The following LPAR1 variants were observed in gnomAD, a reference collection of about 807,000 sequenced individuals.
LPAR1 encodes lysophosphatidic acid receptor 1.
LPAR1 carries 5 observed loss-of-function variants against 23.8 expected under a neutral mutation model. That is an observed-to-expected ratio of 0.21 (90% confidence interval 0.11 to 0.44). The LOEUF is 0.44. LPAR1 is among the 20% of genes least tolerant of loss of function. The pLI, the probability that LPAR1 is intolerant of heterozygous loss-of-function variation, is 0.99. For missense variants in LPAR1, 311 were observed against 482.8 expected (o/e 0.64, Z 3.33); for synonymous variants, 160 against 164.7 (o/e 0.97, Z 0.22).
At chr9:110,911,997 A>G (rs1303203245) in intron 5 of LPAR1, among the ~76,000 whole-genome samples, 1 of 152,192 alleles carries the variant, frequency 6.6e-6, no homozygotes, top group Non-Finnish European at 1.5e-5. Flanking sequence ...ATCTCAGTCT[A>G]AAGAAAACCT....
intron 5 of LPAR1, among the ~76,000 whole-genome samples, chr9:110,906,126 T>G (rs2091151571): frequency 6.6e-6 from 1 of 152,160 alleles, no homozygotes; most frequent in Non-Finnish European, 1.5e-5. Context: ...CAAAAATACG[T>G]CAAGTTCTAT....
intron 2 of LPAR1, among the ~76,000 whole-genome samples, chr9:110,985,936 G>A (rs536571706): frequency 6.6e-6 from 1 of 152,154 alleles, no homozygotes; most frequent in Admixed American, 6.6e-5. Flanking sequence ...GCTCAAGGGA[G>A]TGTGATCACT....
chr9:110,911,368 G>A (rs939570425), intron 5 of LPAR1, among the ~76,000 whole-genome samples: 7 of 152,002 alleles, frequency 4.6e-5, no homozygotes, highest in African/African-American at 9.7e-5. Flanking sequence ...GCAACATAGC[G>A]AGATGTCATT....
chr9:110,891,271 T>C (rs1204362757), intron 5 of LPAR1, among the ~76,000 whole-genome samples: 1 of 152,176 alleles, frequency 6.6e-6, no homozygotes, highest in Admixed American at 6.5e-5. Flanking sequence ...AAGATAATCA[T>C]CATCTAGCAA....
intron 5 of LPAR1, among the ~76,000 whole-genome samples, chr9:110,918,008 T>G (rs1434780434): frequency 1.3e-5 from 2 of 152,160 alleles, no homozygotes; most frequent in Admixed American, 1.3e-4. Context: ...CCTCATGCTA[T>G]CCTTCCAACT....
intron 5 of LPAR1, among the ~76,000 whole-genome samples, chr9:110,889,933 G>A (rs867136755): frequency 2.6e-5 from 4 of 152,184 alleles, no homozygotes; most frequent in Middle Eastern, 3.4e-3. Flanking sequence ...AACTCAAGAA[G>A]TTGAGCAAAA....
intron 2 of LPAR1, among the ~76,000 whole-genome samples, chr9:111,022,917 G>T (rs1046517545): frequency 6.6e-6 from 1 of 152,024 alleles, no homozygotes; most frequent in Non-Finnish European, 1.5e-5. Context: ...GCCGGGCATG[G>T]TGGCGGGTGC....
intron 5 of LPAR1, among the ~76,000 whole-genome samples, chr9:110,909,937 C>T (rs2092154246): frequency 6.6e-6 from 1 of 151,730 alleles, no homozygotes; most frequent in South Asian, 2.1e-4. Flanking sequence ...TTTGGAGAGA[C>T]AGGGTTTCAT....
At chr9:111,011,501 T>G (rs946563267) in intron 2 of LPAR1, among the ~76,000 whole-genome samples, 2 of 152,204 alleles carry the variant, frequency 1.3e-5, no homozygotes, top group Non-Finnish European at 2.9e-5. Context: ...CCAGCTACTC[T>G]TTTGTAACCA....
At chr9:111,011,607 C>G (rs1213589927) in intron 2 of LPAR1, among the ~76,000 whole-genome samples, 1 of 152,146 alleles carries the variant, frequency 6.6e-6, no homozygotes, top group African/African-American at 2.4e-5. Flanking sequence ...TCTCATAATT[C>G]TATTTTGCAG....
chr9:110,896,611 G>C (rs767556001), intron 5 of LPAR1, among the ~76,000 whole-genome samples: 2 of 151,958 alleles, frequency 1.3e-5, no homozygotes, highest in Non-Finnish European at 2.9e-5. Context: ...CAAAGGAAAG[G>C]ATCCACAAGA....
At chr9:111,036,367 T>A in intron 1 of LPAR1, among the ~76,000 whole-genome samples, 166 bp from the exon 2 acceptor site, 2 of 149,984 alleles carry the variant, frequency 1.3e-5, no homozygotes. Context: ...ATTGAGTCCC[T>A]TGAGGAAAGG....
intron 5 of LPAR1, among the ~76,000 whole-genome samples, chr9:110,896,128 A>G (rs143967857): frequency 4.7e-4 from 72 of 152,336 alleles, no homozygotes; most frequent in Middle Eastern, 3.4e-3. Flanking sequence ...TGCTCCATTT[A>G]ATCCAGGTAT....
At chr9:110,985,500 C>G (rs901475651) in intron 2 of LPAR1, among the ~76,000 whole-genome samples, 20 of 152,042 alleles carry the variant, frequency 1.3e-4, no homozygotes, top group Non-Finnish European at 2.1e-4. Flanking sequence ...ACACTGACTG[C>G]AGAGAGAGAA....
chr9:110,898,078 A>G (rs2087105301), intron 5 of LPAR1, among the ~76,000 whole-genome samples: 1 of 152,226 alleles, frequency 6.6e-6, no homozygotes. Flanking sequence ...TGAGAAAACT[A>G]GTGACTCATT....
chr9:110,997,094 CTCTT>C (rs2097027022), intron 2 of LPAR1, among the ~76,000 whole-genome samples: 1 of 152,186 alleles, frequency 6.6e-6, no homozygotes, highest in Non-Finnish European at 1.5e-5. Context: ...GAAACATTAA[CTCTT>C]TCACAGTGAG....
chr9:111,014,264 G>C (rs1378800764), intron 2 of LPAR1, among the ~76,000 whole-genome samples: 3 of 152,138 alleles, frequency 2.0e-5, no homozygotes, highest in Non-Finnish European at 2.9e-5. Context: ...ACAAGGTAAA[G>C]CTGTCACTAT....
chr9:110,956,442 TAAAG>T (rs930337560), intron 4 of LPAR1, among the ~76,000 whole-genome samples: 2 of 151,344 alleles, frequency 1.3e-5, no homozygotes, highest in Admixed American at 6.6e-5. Flanking sequence ...ATTTAAAAAA[TAAAG>T]AAAGAAAGAT....
At chr9:110,986,309 A>G (rs1250830568) in intron 2 of LPAR1, among the ~76,000 whole-genome samples, 6 of 152,138 alleles carry the variant, frequency 3.9e-5, no homozygotes, top group Non-Finnish European at 8.8e-5. Flanking sequence ...AAGGACAATT[A>G]CAACCTCTAT....
Sources: gnomAD v4.1 joint callset for allele counts (sites outside exome capture counted in the v4.1 genomes callset) on GRCh38, gnomAD v4.1.1 for gene constraint, MANE v1.5 for transcripts, NCBI Gene and HGNC (gene_info 2026-07-23, HGNC 2026-07-21) for gene names.